Variants in GALNTL6 observed in about 807,000 individuals in gnomAD.
GALNTL6 encodes the protein polypeptide N-acetylgalactosaminyltransferase like 6, also known as polypeptide N-acetylgalactosaminyltransferase-like 6.
Under a neutral mutation model 73.7 loss-of-function variants are expected in GALNTL6, and 46 were observed. That is an observed-to-expected ratio of 0.62 (90% CI 0.49 to 0.80). The LOEUF is 0.80. Among genes scored for constraint, GALNTL6 ranks in the 30% least tolerant of loss-of-function variants. The pLI is 0.00. For missense variants in GALNTL6, 604 were observed against 755.0 expected, an observed-to-expected ratio of 0.80 and a Z score of 2.34; for synonymous variants, 259 against 263.7, an observed-to-expected ratio of 0.98 and a Z score of 0.17.
chr4:172,750,845 G>C lies in GALNTL6; in HGVS notation c.554-58516G>C, dbSNP rs371164827. 8.6e-5 allele frequency among the ~76,000 whole-genome samples: 13 copies of C among 151,274 alleles called. No homozygotes were observed. The East Asian group carries it at 9.7e-4, about 11-fold the overall frequency. ...AATTCCTTCTTTTTTCATTTCTTTT[G>C]TTTAGAGTACTTCCTTTAGTCATTT... is the stretch of plus-strand genomic sequence containing the variant. On this transcript the variant is annotated intron_variant, in intron 5 of 12. Transcript: ENST00000506823.
intron 3 of GALNTL6, among the ~76,000 whole-genome samples, chr4:172,297,897 T>C (rs1380450480): frequency 6.6e-6 from 1 of 152,186 alleles, no homozygotes; most frequent in African/African-American, 2.4e-5. Context: ...AGAAAGTCAT[T>C]GGTAGCTTGA....
intron 5 of GALNTL6, among the ~76,000 whole-genome samples, chr4:172,358,736 G>A (rs1331398811): frequency 1.3e-5 from 2 of 151,576 alleles, no homozygotes; most frequent in East Asian, 3.9e-4. Flanking sequence ...AACTGCCCAA[G>A]ACTGCGGTCA....
chr4:172,292,645 G>A lies in GALNTL6; in HGVS notation c.248-18969G>A, dbSNP rs1291426464. Among the ~76,000 whole-genome samples, 3 of 152,030 alleles carry A rather than the reference G, an allele frequency of 2.0e-5. No individual in the cohort carries two copies. The East Asian group carries it at 5.8e-4, about 29-fold the overall frequency. ...TGATAACCTATAGTTATTAGATACC[G>A]AAAGGAATGAAGAAAATTTTATAAA... On this transcript the variant is annotated intron_variant, in intron 3 of 12. Transcript: ENST00000506823.
chr4:171,991,371 T>C (rs937873507), intron 2 of GALNTL6, among the ~76,000 whole-genome samples: 1 of 152,082 alleles, frequency 6.6e-6, no homozygotes, highest in Non-Finnish European at 1.5e-5. Context: ...TTCAATGAAG[T>C]GCCAATCAAA....
At chr4:172,188,144 C>T (rs531370028) in intron 2 of GALNTL6, among the ~76,000 whole-genome samples, 9 of 152,220 alleles carry the variant, frequency 5.9e-5, no homozygotes, top group African/African-American at 1.9e-4. Flanking sequence ...GTTGTATATG[C>T]CTATTATGTG....
At chr4:172,695,610 G>A (rs1216317069) in intron 5 of GALNTL6, among the ~76,000 whole-genome samples, 4 of 152,142 alleles carry the variant, frequency 2.6e-5, no homozygotes, top group African/African-American at 9.7e-5. Context: ...TTGATAGACT[G>A]TGTTTTCTTT....
At position 172,413,554 on chromosome 4, in the gene GALNTL6, C is replaced by T. The variant is rs17058411; in HGVS notation, c.553+64865C>T. ...GTATATTTCCACATGGCAGCATGAA[C>T]TGAGATTAGGCATAGGAATTAGGCT... On this transcript the variant is annotated intron_variant, in intron 5 of 12. Coordinates refer to ENST00000506823, the MANE Select transcript of GALNTL6 (RefSeq NM_001034845.3). Among the ~76,000 whole-genome samples the T allele has an allele frequency of 7.2e-3, 1,094 of 152,032 alleles. 8 individuals carry two copies. The highest frequency in any genetic ancestry group is 0.025 in the African/African-American group (1,031 of 41,488).
intron 2 of GALNTL6, among the ~76,000 whole-genome samples, chr4:171,837,258 T>C (rs540086580): frequency 6.6e-6 from 1 of 152,194 alleles, no homozygotes; most frequent in African/African-American, 2.4e-5. Context: ...TTCAGAAGGG[T>C]TGGCATCAGG....
At chr4:172,725,167 C>T (rs1735723644) in intron 5 of GALNTL6, among the ~76,000 whole-genome samples, 1 of 152,136 alleles carries the variant, frequency 6.6e-6, no homozygotes, top group Non-Finnish European at 1.5e-5. Flanking sequence ...TTGGAAAAAT[C>T]CATTTAACAC....
At chr4:172,007,536 TACA>T (rs1331707917) in intron 2 of GALNTL6, among the ~76,000 whole-genome samples, 19 of 152,250 alleles carry the variant, frequency 1.2e-4, no homozygotes, top group Non-Finnish European at 2.6e-4. Context: ...CAAATGAATA[TACA>T]ACAATATCGA....
intron 4 of GALNTL6, among the ~76,000 whole-genome samples, chr4:172,323,876 G>A (rs868076360): frequency 5.3e-5 from 8 of 152,140 alleles, no homozygotes; most frequent in South Asian, 2.1e-4. Flanking sequence ...CTCTAGCCAT[G>A]AGGTCAGAAA....
intron 2 of GALNTL6, among the ~76,000 whole-genome samples, chr4:172,015,025 T>C (rs758553159): frequency 6.6e-6 from 1 of 152,140 alleles, no homozygotes; most frequent in Non-Finnish European, 1.5e-5. Flanking sequence ...ATGTATAATC[T>C]GCAATTGTTG....
intron 5 of GALNTL6, among the ~76,000 whole-genome samples, chr4:172,600,834 G>T (rs992098013): frequency 1.3e-5 from 2 of 152,130 alleles, no homozygotes; most frequent in South Asian, 4.2e-4. Flanking sequence ...CTAAATACTG[G>T]CCATAACAAA....
At chr4:171,939,138 A>T (rs1270289342) in intron 2 of GALNTL6, among the ~76,000 whole-genome samples, 1 of 152,030 alleles carries the variant, frequency 6.6e-6, no homozygotes. Context: ...TCAGTTGGAA[A>T]AAAGAAGTAG....
intron 5 of GALNTL6, among the ~76,000 whole-genome samples, chr4:172,778,788 G>A (rs1739212671): frequency 6.6e-6 from 1 of 152,138 alleles, no homozygotes; most frequent in Non-Finnish European, 1.5e-5. Flanking sequence ...CTAGCTACAA[G>A]GACTGAAAAA....
chr4:172,393,527 C>A (rs560865482), intron 5 of GALNTL6, among the ~76,000 whole-genome samples: 16 of 152,290 alleles, frequency 1.1e-4, no homozygotes, highest in African/African-American at 3.9e-4. Context: ...ATTAATGACA[C>A]ATTAAATGAT....
intron 3 of GALNTL6, among the ~76,000 whole-genome samples, chr4:172,263,972 C>T (rs1338587132): frequency 6.6e-6 from 1 of 151,432 alleles, no homozygotes; most frequent in Non-Finnish European, 1.5e-5. Flanking sequence ...ATATATGTCT[C>T]CAGATGTATC....
chr4:172,315,420 C>G (rs539614091), intron 4 of GALNTL6, among the ~76,000 whole-genome samples: 1 of 152,174 alleles, frequency 6.6e-6, no homozygotes, highest in African/African-American at 2.4e-5. Flanking sequence ...TGCGCCACCA[C>G]ACCTGGCTAA....
intron 5 of GALNTL6, among the ~76,000 whole-genome samples, chr4:172,737,048 G>T (rs529434667): frequency 1.3e-5 from 2 of 152,050 alleles, no homozygotes; most frequent in African/African-American, 4.8e-5. Flanking sequence ...CACAGTCTTG[G>T]GTATGTCTTA....
Sources: gnomAD v4.1 joint callset for allele counts (sites outside exome capture counted in the v4.1 genomes callset) on GRCh38, gnomAD v4.1.1 for gene constraint, MANE v1.5 for transcripts, NCBI Gene and HGNC (gene_info 2026-07-23, HGNC 2026-07-21) for gene names.